The following MARCHF4 variants were observed in gnomAD, a reference collection of about 807,000 sequenced individuals.
The protein encoded by MARCHF4 is E3 ubiquitin-protein ligase MARCHF4.
Under a neutral mutation model 43.9 loss-of-function variants are expected in MARCHF4, and 14 were observed. The ratio of observed to expected loss-of-function variants is 0.32; its 90% CI spans 0.21 to 0.50. MARCHF4 has a LOEUF of 0.50. Among genes scored for constraint, MARCHF4 ranks in the 20% least tolerant of loss-of-function variants. The probability of loss-of-function intolerance (pLI) is 0.98; values close to 1 mark genes in which losing one functional copy is unlikely to be tolerated. For synonymous variants in MARCHF4, 226 were observed against 213.3 expected (o/e 1.06, Z -0.52); for missense variants, 468 against 536.7 (o/e 0.87, Z 1.27).
chr2:216,320,163 A>C (rs937989904), intron 1 of MARCHF4, among the ~76,000 whole-genome samples: 5 of 152,242 alleles, frequency 3.3e-5, no homozygotes, highest in South Asian at 2.1e-4. Flanking sequence ...ATTATTAAAC[A>C]AACCCGTAAA....
intron 1 of MARCHF4, among the ~76,000 whole-genome samples, chr2:216,351,667 C>T (rs1396423908): frequency 1.3e-5 from 2 of 152,124 alleles, no homozygotes; most frequent in African/African-American, 2.4e-5. Context: ...AGGCCTTGTC[C>T]GTTTTGTTTA....
chr2:216,269,718 A>T (rs1690902837), intron 3 of MARCHF4, among the ~76,000 whole-genome samples: 1 of 152,130 alleles, frequency 6.6e-6, no homozygotes, highest in Admixed American at 6.6e-5. Context: ...CCCTCTGATG[A>T]TGGTGTTATT....
At chr2:216,354,986 T>TCTTTCTTTCTTTCTTTCTTTATTTC in intron 1 of MARCHF4, among the ~76,000 whole-genome samples, 1 of 139,834 alleles carries the variant, frequency 7.2e-6, no homozygotes, top group East Asian at 2.1e-4. Context: ...TTTCTTTCTT[T>TCTTTCTTTCTTTCTTTCTTTATTTC]TTTGAGACAG....
chr2:216,355,012 C>T (rs1350951901), intron 1 of MARCHF4, among the ~76,000 whole-genome samples: 1 of 140,630 alleles, frequency 7.1e-6, no homozygotes, highest in East Asian at 2.2e-4. Flanking sequence ...AACTTTGTCA[C>T]CCAGGCTAGA....
At chr2:216,332,568 A>G (rs57789126) in intron 1 of MARCHF4, among the ~76,000 whole-genome samples, 40,429 of 152,024 alleles carry the variant, frequency 0.27, 6,526 homozygotes, top group East Asian at 0.54. Context: ...AAGGAAAAAA[A>G]TTTTAATTAA....
intron 1 of MARCHF4, among the ~76,000 whole-genome samples, chr2:216,306,657 A>T (rs1181362480): frequency 6.6e-6 from 1 of 152,186 alleles, no homozygotes; most frequent in Non-Finnish European, 1.5e-5. Flanking sequence ...TGCTCAGTAT[A>T]TATGGGCATC....
At chr2:216,351,527 T>A (rs1692404395) in intron 1 of MARCHF4, 1 of 152,082 alleles carries the variant, frequency 6.6e-6, no homozygotes, top group South Asian at 2.1e-4. Flanking sequence ...ATAAAATAAA[T>A]TTTAAAATAA....
At chr2:216,328,610 T>C (rs1559100846) in intron 1 of MARCHF4, among the ~76,000 whole-genome samples, 1 of 152,218 alleles carries the variant, frequency 6.6e-6, no homozygotes, top group African/African-American at 2.4e-5. Context: ...CAGAGTTTAC[T>C]AGTTGTTTGT....
At chr2:216,369,450 T>C (rs971070737) in intron 1 of MARCHF4, among the ~76,000 whole-genome samples, 7 of 152,224 alleles carry the variant, frequency 4.6e-5, no homozygotes, top group Admixed American at 4.6e-4. Flanking sequence ...TTCACTCCGT[T>C]GTTTCTAGAT....
intron 1 of MARCHF4, among the ~76,000 whole-genome samples, chr2:216,319,452 C>T (rs1691844291): frequency 1.3e-5 from 2 of 152,162 alleles, no homozygotes; most frequent in African/African-American, 4.8e-5. Context: ...ATGAAATGAA[C>T]CTCTTGAGAC....
chr2:216,362,290 A>C (rs1015255351), intron 1 of MARCHF4, among the ~76,000 whole-genome samples: 1 of 152,222 alleles, frequency 6.6e-6, no homozygotes, highest in East Asian at 1.9e-4. Context: ...TTATACACAC[A>C]CACACAAATA....
Position 216,259,256 on chromosome 2 carries a change from C to T in MARCHF4, c.*56G>A, listed in dbSNP as rs1045435156. ...GCTCTGGGGGTGCCACTGCACCTCC[C>T]CACCCTGCTCCGGGCCCTCAGTGGT... On this transcript the variant is annotated 3_prime_UTR_variant, in exon 4 of 4. Coordinates refer to ENST00000273067, the MANE Select transcript of MARCHF4 (RefSeq NM_020814.3). 7 of 1,503,676 alleles carry T rather than the reference C, an allele frequency of 4.7e-6. No individual in the cohort carries two copies. The South Asian group carries it at 6.9e-5, about 15-fold the overall frequency. The allele number at this position is 1,503,676 out of a possible 1,614,324, so 93.1% of individuals were successfully genotyped here.
chr2:216,289,241 C>G (rs1196738950), intron 1 of MARCHF4, among the ~76,000 whole-genome samples: 9 of 140,004 alleles, frequency 6.4e-5, no homozygotes, highest in South Asian at 4.8e-4. Flanking sequence ...CCACCCGCCC[C>G]CCACCCAAGT....
At position 216,372,396 on chromosome 2, in the gene MARCHF4, C is replaced by G. The variant is rs1222235851; in HGVS notation, c.-2136G>C. On this transcript the variant is annotated 5_prime_UTR_variant, in exon 1 of 4. Transcript: ENST00000273067. ...GCGCGTCACGCTCGTGGGGGCCTGA[C>G]GCAGACGCCGCGGAGGGATGGAGGA... 6.6e-6 allele frequency among the ~76,000 whole-genome samples: 1 copy of G among 151,444 alleles called. No homozygotes were observed. Among genetic ancestry groups the G allele is most frequent in the African/African-American group, 2.4e-5 (1 of 41,152 alleles).
At chr2:216,277,204 T>C (rs934668116) in intron 3 of MARCHF4, among the ~76,000 whole-genome samples, 3 of 152,018 alleles carry the variant, frequency 2.0e-5, no homozygotes, top group African/African-American at 7.3e-5. Flanking sequence ...ACTCAGAGCA[T>C]TGAAACAGGC....
intron 1 of MARCHF4, among the ~76,000 whole-genome samples, chr2:216,302,557 C>T (rs1691508237): frequency 6.6e-6 from 1 of 151,862 alleles, no homozygotes; most frequent in East Asian, 1.9e-4. Context: ...AAGTTCATCA[C>T]AAACTCAGTA....
intron 1 of MARCHF4, among the ~76,000 whole-genome samples, chr2:216,315,835 G>T (rs1382567478): frequency 6.6e-6 from 1 of 152,086 alleles, no homozygotes; most frequent in Non-Finnish European, 1.5e-5. Context: ...AAATTAAGCT[G>T]TTTTCTTACT....
chr2:216,287,022 T>C (rs1423906476), intron 1 of MARCHF4, among the ~76,000 whole-genome samples: 1 of 152,320 alleles, frequency 6.6e-6, no homozygotes, highest in South Asian at 2.1e-4. Context: ...CGTCAGACGC[T>C]GAGCTTCACC....
chr2:216,298,874 T>C (rs1037610625), intron 1 of MARCHF4, among the ~76,000 whole-genome samples: 2 of 152,176 alleles, frequency 1.3e-5, no homozygotes, highest in Non-Finnish European at 2.9e-5. Context: ...GAGAAGACAG[T>C]CCTGGAATGG....
Sources: allele counts gnomAD v4.1 joint callset (sites outside exome capture counted in the v4.1 genomes callset), GRCh38; gene constraint gnomAD v4.1.1; transcripts MANE v1.5; gene names NCBI Gene and HGNC (gene_info 2026-07-23, HGNC 2026-07-21).